The following SDK2 variants were observed in gnomAD, a reference collection of about 807,000 sequenced individuals.
SDK2 encodes protein sidekick-2.
In SDK2, 105 loss-of-function variants were observed where a neutral mutation model predicts 253.9. The ratio of observed to expected loss-of-function variants is 0.41; its 90% CI spans 0.35 to 0.49. The LOEUF (loss-of-function observed/expected upper bound fraction) is 0.49, where lower values mean the gene tolerates loss of function less well. Among genes scored for constraint, SDK2 ranks in the 20% least tolerant of loss-of-function variants. The pLI, the probability that SDK2 is intolerant of heterozygous loss-of-function variation, is 0.06. For missense variants in SDK2, 2,608 were observed against 3,003.0 expected, an observed-to-expected ratio of 0.87 and a Z score of 3.07; for synonymous variants, 1,249 against 1,234.9, an observed-to-expected ratio of 1.01 and a Z score of -0.24.
At chr17:73,539,184 T>G (rs897512577) in intron 1 of SDK2, among the ~76,000 whole-genome samples, 4 of 152,188 alleles carry the variant, frequency 2.6e-5, no homozygotes, top group Non-Finnish European at 5.9e-5. Flanking sequence ...CCCAAGGAAC[T>G]AAGGAGAAGC....
At chr17:73,402,213 C>T in intron 18 of SDK2, 72 bp from the exon 19 acceptor site, 1 of 1,489,598 alleles carries the variant, frequency 6.7e-7, no homozygotes, top group Non-Finnish European at 9.2e-7. Context: ...CTCCCACAGG[C>T]TGGGCCAATC....
At chr17:73,506,622 C>G (rs2063937719) in intron 2 of SDK2, among the ~76,000 whole-genome samples, 1 of 152,238 alleles carries the variant, frequency 6.6e-6, no homozygotes, top group Non-Finnish European at 1.5e-5. Context: ...TCTTGTTTCC[C>G]CAACAAAACC....
chr17:73,390,507 T>C (rs1301367670), intron 28 of SDK2, 26 bp from the exon 29 acceptor site: 4 of 1,592,172 alleles, frequency 2.5e-6, no homozygotes, highest in South Asian at 1.1e-5. Flanking sequence ...ACATGGCTAT[T>C]ATGGCAAGCA....
rs1014647094 is a variant in SDK2 at position 73,534,972 on chromosome 17, G to T, written c.65-27375C>A. Among the ~76,000 whole-genome samples, 15 of 152,324 alleles carry T rather than the reference G, an allele frequency of 9.8e-5. No individual in the cohort carries two copies. The East Asian group carries it at 2.7e-3, about 27-fold the overall frequency. On this transcript the variant is annotated intron_variant, in intron 1 of 44. Transcript: ENST00000392650. This position sits in a 1 kb window ranked among gnomAD's most constrained non-coding sequence, Gnocchi z 4.9. ...CCTGAAACTCCAAGGGGCAGGTGGG[G>T]TCTCTAGCCCAGGCCTTGGTGCACA...
chr17:73,571,524 C>T (rs777635799), intron 1 of SDK2, among the ~76,000 whole-genome samples: 2 of 152,212 alleles, frequency 1.3e-5, no homozygotes, highest in Non-Finnish European at 2.9e-5. Context: ...ATGTGGGAGT[C>T]CAGCCCGGTG....
intron 1 of SDK2, among the ~76,000 whole-genome samples, chr17:73,607,355 G>A (rs2045920065): frequency 6.6e-6 from 1 of 151,914 alleles, no homozygotes; most frequent in Admixed American, 6.5e-5. Flanking sequence ...CTGAGAGCAG[G>A]GAGAGGCCCA....
Position 73,440,861 on chromosome 17 carries a change from C to A in SDK2, c.676G>T (p.Val226Leu). 6.4e-7 allele frequency: 1 copy of A among 1,551,740 alleles called. No individual in the cohort carries two copies. The highest frequency in any genetic ancestry group is 2.4e-5 in the East Asian group (1 of 40,928). The change falls in exon 6 of 45, where the codon GTG becomes TTG. Residue 226 changes from valine to leucine, a missense_variant. Around this residue, in one of 2 missense-constraint regions of SDK2, gnomAD observed 1,505 missense variants for 1,859.1 expected, o/e 0.81. Coordinates refer to ENST00000392650, the MANE Select transcript of SDK2 (RefSeq NM_001144952.2). ...TIIIPPKNTS[V>L]VAGTSEVTLE... ...GTAACCTCTGAGGTGCCGGCCACCA[C>A]GCTGGTGTTTTTAGGTGGGATGATG...
intron 1 of SDK2, among the ~76,000 whole-genome samples, chr17:73,631,700 A>C (rs970214911): frequency 6.6e-6 from 1 of 152,212 alleles, no homozygotes; most frequent in African/African-American, 2.4e-5. Context: ...TTAGTGATGC[A>C]TGGGGAAGGC....
intron 12 of SDK2, among the ~76,000 whole-genome samples, chr17:73,428,625 G>A (rs1440385440): frequency 1.3e-5 from 2 of 152,186 alleles, no homozygotes; most frequent in Non-Finnish European, 2.9e-5. Context: ...ACCCTGCTGT[G>A]TTTTGCAGAT....
chr17:73,507,154 C>T (rs985905341), intron 2 of SDK2, among the ~76,000 whole-genome samples: 8 of 152,226 alleles, frequency 5.3e-5, no homozygotes, highest in Admixed American at 6.5e-5. Flanking sequence ...GTTAGTGAGT[C>T]CCTGTGCCCA....
At chr17:73,427,415 T>C (rs2145599635) in intron 12 of SDK2, among the ~76,000 whole-genome samples, 1 of 152,330 alleles carries the variant, frequency 6.6e-6, no homozygotes, top group Non-Finnish European at 1.5e-5. Context: ...CCTGTTTACA[T>C]ATGGCTGCTT....
chr17:73,627,412 T>C (rs140093174), intron 1 of SDK2, among the ~76,000 whole-genome samples: 1 of 152,218 alleles, frequency 6.6e-6, no homozygotes, highest in Non-Finnish European at 1.5e-5. Flanking sequence ...AGACCGCATC[T>C]TTCAGCGACG....
chr17:73,557,366 G>A (rs112420444), intron 1 of SDK2, among the ~76,000 whole-genome samples: 21,017 of 151,530 alleles, frequency 0.14, 1,674 homozygotes, highest in African/African-American at 0.21. Flanking sequence ...GCAGTGGCAC[G>A]ATCTCGGCTC....
At chr17:73,370,445 G>A (rs1363394665) in intron 36 of SDK2, among the ~76,000 whole-genome samples, 1 of 152,032 alleles carries the variant, frequency 6.6e-6, no homozygotes, top group Non-Finnish European at 1.5e-5. Flanking sequence ...GTCTTGCCAT[G>A]TTTCCCAGGC....
At chr17:73,354,053 T>C (rs1166715076) in intron 40 of SDK2, among the ~76,000 whole-genome samples, 1 of 152,048 alleles carries the variant, frequency 6.6e-6, no homozygotes, top group African/African-American at 2.4e-5. Flanking sequence ...TTTAAAAAAA[T>C]TGTTTTGAGA....
At chr17:73,579,446 G>C (rs549741170) in intron 1 of SDK2, among the ~76,000 whole-genome samples, 2 of 152,178 alleles carry the variant, frequency 1.3e-5, no homozygotes, top group South Asian at 4.2e-4. Flanking sequence ...TTCTCGCACG[G>C]TGCTCCCCCT....
intron 44 of SDK2, among the ~76,000 whole-genome samples, chr17:73,347,495 T>G (rs192918760): frequency 2.6e-5 from 4 of 152,268 alleles, no homozygotes; most frequent in African/African-American, 9.6e-5. Context: ...GCCAAGCCCA[T>G]CAGTAACCCT....
In SDK2 at chr17:73,438,127, C is replaced by T; in HGVS notation, c.753G>A (p.Trp251Ter). The change falls in exon 7 of 45, where the codon TGG becomes TGA. Residue 251 changes from tryptophan to a stop codon, truncating the protein, a stop_gained. Coordinates refer to ENST00000392650, the MANE Select transcript of SDK2 (RefSeq NM_001144952.2). LOFTEE classifies it high-confidence loss of function. ...CCGACAGCAATACCCCGTCCTTCTTCCAAATGATATGTAGCTTGATCAGGG... is the reference window on the plus strand; with the variant it reads ...CCGACAGCAATACCCCGTCCTTCTTTCAAATGATATGTAGCTTGATCAGGG... Reference protein sequence around the residue: ...ARPLIKLHIIWKKDGVLLSGG... With the variant: ...ARPLIKLHII 1 of 1,551,620 alleles carries T rather than the reference C, an allele frequency of 6.4e-7. No homozygotes were observed. The highest frequency in any genetic ancestry group is 8.7e-7 in the Non-Finnish European group (1 of 1,146,964).
intron 1 of SDK2, among the ~76,000 whole-genome samples, chr17:73,595,972 T>C (rs891073615): frequency 6.7e-6 from 1 of 148,272 alleles, no homozygotes; most frequent in African/African-American, 2.4e-5. Context: ...ACACATAGGA[T>C]TGCAGAAGTC....
Sources: gnomAD v4.1 joint callset for allele counts (sites outside exome capture counted in the v4.1 genomes callset) on GRCh38, gnomAD v4.1.1 for gene constraint, gnomAD v4.1.1 regional missense constraint, Gnocchi (gnomAD v3.1) non-coding constraint, MANE v1.5 for transcripts, NCBI Gene and HGNC (gene_info 2026-07-23, HGNC 2026-07-21) for gene names.